BUB1B: variants seen among roughly 807,000 people sequenced by gnomAD.
BUB1B encodes the protein mitotic checkpoint serine/threonine-protein kinase BUB1 beta.
A neutral mutation model predicts 137.7 loss-of-function variants in BUB1B; 86 were observed. The observed-to-expected ratio is 0.62, with a 90% confidence interval of 0.52 to 0.75. The LOEUF is 0.75. Ranked by LOEUF, BUB1B falls within the 30% of genes least tolerant of loss-of-function variation. The pLI, the probability that BUB1B is intolerant of heterozygous loss-of-function variation, is 0.00. For missense variants in BUB1B, 1,130 were observed against 1,236.9 expected (o/e 0.91, Z 1.30); for synonymous variants, 420 against 417.9 (o/e 1.00, Z -0.06).
At chr15:40,166,918 T>C (rs1643925670) in intron 2 of BUB1B, among the ~76,000 whole-genome samples, 1 of 152,116 alleles carries the variant, frequency 6.6e-6, no homozygotes. Flanking sequence ...TTTTGGCCTT[T>C]TGTATATCTT....
At chr15:40,201,831 T>A (rs1165127747) in intron 12 of BUB1B, among the ~76,000 whole-genome samples, 3 of 151,792 alleles carry the variant, frequency 2.0e-5, no homozygotes, top group Non-Finnish European at 4.4e-5. Flanking sequence ...CACGCCCGGC[T>A]AATTTTTTTT....
chr15:40,218,021 T>G (rs1371928277), intron 21 of BUB1B, among the ~76,000 whole-genome samples: 1 of 152,216 alleles, frequency 6.6e-6, no homozygotes, highest in Non-Finnish European at 1.5e-5. Context: ...AATGAAGTAA[T>G]GTATATAAAA....
intron 2 of BUB1B, among the ~76,000 whole-genome samples, chr15:40,166,106 G>A (rs1347260177): frequency 6.6e-6 from 1 of 152,200 alleles, no homozygotes; most frequent in Non-Finnish European, 1.5e-5. Flanking sequence ...GCCCACCTTG[G>A]CATCCCAAAG....
intron 5 of BUB1B, among the ~76,000 whole-genome samples, chr15:40,179,207 T>A (rs2037256129): frequency 6.6e-6 from 1 of 152,146 alleles, no homozygotes; most frequent in Admixed American, 6.5e-5. Flanking sequence ...GCATACTGTT[T>A]TCAAGGTTCA....
intron 22 of BUB1B, 148 bp from the exon 23 acceptor site, chr15:40,220,416 A>G: frequency 1.3e-6 from 1 of 792,440 alleles, no homozygotes; most frequent in Non-Finnish European, 2.0e-6. Context: ...CTGGGCTTTC[A>G]AAGGACTATT....
Position 40,212,529 on chromosome 15 carries a change from T to C in BUB1B, c.2416T>C (p.Tyr806His). The C allele has an allele frequency of 6.2e-7, 1 of 1,613,228 alleles. No homozygotes were observed. The highest frequency in any genetic ancestry group is 8.5e-7 in the Non-Finnish European group (1 of 1,179,362). The change falls in exon 19 of 23, where the codon TAT becomes CAT. Residue 806 changes from tyrosine (Y) to histidine (H), a missense_variant. Physicochemically the swap from Tyr to His is moderately conservative, Grantham distance 83. Transcript: ENST00000287598. Reference protein sequence around the residue: ...VSSQPVPWDFYINLKLKERLN... With the variant: ...VSSQPVPWDFHINLKLKERLN... ...TTCTCAACCTGTCCCATGGGACTTT[T>C]ATATCAACCTCAAGTTAAAGGAACG...
intron 8 of BUB1B, among the ~76,000 whole-genome samples, chr15:40,195,228 A>G (rs1344176499): frequency 6.6e-6 from 1 of 151,976 alleles, no homozygotes; most frequent in Admixed American, 6.6e-5. Context: ...GTGAGAACAT[A>G]TGATGTTTGG....
intron 15 of BUB1B, 45 bp downstream of exon 15, chr15:40,206,503 C>A: frequency 6.2e-7 from 1 of 1,610,630 alleles, no homozygotes; most frequent in Non-Finnish European, 8.5e-7. Flanking sequence ...TGTTTACTCT[C>A]TTATTCTGCA....
Position 40,213,649 on chromosome 15 carries a change from T to A in BUB1B, c.2678+175T>A, listed in dbSNP as rs187660708. Among the ~76,000 whole-genome samples, 313 of 149,204 alleles carry A rather than the reference T, an allele frequency of 2.1e-3. 1 individual carries two copies. The highest frequency in any genetic ancestry group is 7.8e-3 in the African/African-American group (301 of 38,598). Reference sequence around the variant, plus strand: ...CTCCCAGGTTCAAACGATTCTCCCATCTTAACCTTGCTAGTAGCTGGGACC... The same window carrying A: ...CTCCCAGGTTCAAACGATTCTCCCAACTTAACCTTGCTAGTAGCTGGGACC... On this transcript the variant is annotated intron_variant, in intron 20 of 22. Transcript: ENST00000287598.
At chr15:40,166,514 T>G (rs998790302) in intron 2 of BUB1B, 3 of 293,030 alleles carry the variant, frequency 1.0e-5, no homozygotes, top group African/African-American at 7.0e-5. Context: ...TAATTTTTTC[T>G]ATTTTTTAGT....
At position 40,207,675 on chromosome 15, in the gene BUB1B, A is replaced by G. The variant is rs142130661; in HGVS notation, c.2010-962A>G. Among the ~76,000 whole-genome samples the G allele has an allele frequency of 2.0e-5, 3 of 152,262 alleles. No individual in the cohort carries two copies. The East Asian group carries it at 5.8e-4, about 29-fold the overall frequency. On this transcript the variant is annotated intron_variant, in intron 15 of 22. Coordinates refer to ENST00000287598, the MANE Select transcript of BUB1B (RefSeq NM_001211.6). ...GCATAAATCCAGAAATGTATGCTGG[A>G]CATGGCTTATTCACCAGGTTTAGAG...
intron 4 of BUB1B, among the ~76,000 whole-genome samples, chr15:40,174,151 C>G (rs2037197717): frequency 6.6e-6 from 1 of 152,118 alleles, no homozygotes; most frequent in South Asian, 2.1e-4. Flanking sequence ...CACAAGAACA[C>G]CAGAACCATT....
At chr15:40,171,690 T>G (rs1265557658) in intron 4 of BUB1B, among the ~76,000 whole-genome samples, 1 of 152,196 alleles carries the variant, frequency 6.6e-6, no homozygotes, top group African/African-American at 2.4e-5. Flanking sequence ...CACTCCTTTA[T>G]GAAAGTCATC....
intron 5 of BUB1B, among the ~76,000 whole-genome samples, chr15:40,180,247 G>GTTTTTTTT (rs1566818628): frequency 9.2e-6 from 1 of 108,846 alleles, no homozygotes; most frequent in Non-Finnish European, 1.8e-5. Flanking sequence ...TCAACGTTTC[G>GTTTTTTTT]TTTCTTTTTT....
At chr15:40,202,295 A>T in intron 12 of BUB1B, 110 bp from the exon 13 acceptor site, 1 of 904,264 alleles carries the variant, frequency 1.1e-6, no homozygotes, top group Non-Finnish European at 1.7e-6. Flanking sequence ...TTAAAAAAAC[A>T]GGTTGCCTTC....
At chr15:40,184,007 A>G in intron 6 of BUB1B, 124 bp downstream of exon 6, 2 of 970,656 alleles carry the variant, frequency 2.1e-6, no homozygotes, top group Non-Finnish European at 1.6e-6. Context: ...AGCAAAAAGA[A>G]GGAAGTCAAA....
intron 22 of BUB1B, among the ~76,000 whole-genome samples, chr15:40,220,233 C>T (rs2140914314): frequency 6.6e-6 from 1 of 152,304 alleles, no homozygotes; most frequent in South Asian, 2.1e-4. Flanking sequence ...ATGACCTAGA[C>T]TCTAGGAAAG....
intron 14 of BUB1B, among the ~76,000 whole-genome samples, chr15:40,204,632 T>C (rs1170027546): frequency 2.0e-5 from 3 of 151,366 alleles, no homozygotes; most frequent in Admixed American, 6.6e-5. Flanking sequence ...TATGTATATA[T>C]ATATTTTTTT....
intron 14 of BUB1B, among the ~76,000 whole-genome samples, chr15:40,205,354 A>G (rs1327555659): frequency 6.6e-6 from 1 of 152,162 alleles, no homozygotes; most frequent in African/African-American, 2.4e-5. Context: ...GATCTAGAAA[A>G]TTAATCTCTG....
Sources: allele counts gnomAD v4.1 joint callset (sites outside exome capture counted in the v4.1 genomes callset), GRCh38; gene constraint gnomAD v4.1.1; transcripts MANE v1.5; gene names NCBI Gene and HGNC (gene_info 2026-07-23, HGNC 2026-07-21).